The following CEP20 variants were observed in gnomAD, a reference collection of about 807,000 sequenced individuals.
CEP20 encodes the protein centrosomal protein 20.
Under a neutral mutation model 20.0 loss-of-function variants are expected in CEP20, and 18 were observed. The observed-to-expected ratio is 0.90, with a 90% CI of 0.62 to 1.34. CEP20 has a LOEUF of 1.34. Ranked by LOEUF, CEP20 falls within the 40% of genes most tolerant of loss-of-function variation. The probability of loss-of-function intolerance (pLI) is 0.00; values close to 1 mark genes in which losing one functional copy is unlikely to be tolerated. For synonymous variants in CEP20, 77 were observed against 73.7 expected (o/e 1.04, Z -0.23); for missense variants, 215 against 201.6 (o/e 1.07, Z -0.40).
intron 2 of CEP20, among the ~76,000 whole-genome samples, chr16:15,881,997 AC>A (rs1403017941): frequency 8.5e-5 from 13 of 152,144 alleles, no homozygotes; most frequent in African/African-American, 2.9e-4. Context: ...TGGAAGTGGG[AC>A]CTGGCGGGAG....
chr16:15,876,694 T>C (rs2044958413), intron 3 of CEP20, among the ~76,000 whole-genome samples: 1 of 152,300 alleles, frequency 6.6e-6, no homozygotes, highest in Non-Finnish European at 1.5e-5. Context: ...TGCAGATCTG[T>C]AAGTAAATAA....
At position 15,867,067 on chromosome 16, in the gene CEP20, G is replaced by A. The variant is rs1002478505; in HGVS notation, c.*373C>T. On this transcript the variant is annotated 3_prime_UTR_variant, in exon 5 of 5. Transcript: ENST00000255759. The stretch of plus-strand genomic sequence containing the variant: ...TACTAAAAATACAAAAACTACTCCG[G>A]TGTGGTGGCACAGGCCTGTTTTCCC... 5.7e-6 allele frequency: 1 copy of A among 174,438 alleles called. No homozygotes were observed. Among genetic ancestry groups the A allele is most frequent in the Admixed American group, 5.6e-5 (1 of 17,812 alleles). The allele number at this position is 174,438 out of a possible 1,614,324, so 10.8% of individuals were successfully genotyped here.
At chr16:15,888,035 G>T (rs1231627083) in intron 1 of CEP20, among the ~76,000 whole-genome samples, 1 of 150,080 alleles carries the variant, frequency 6.7e-6, no homozygotes, top group Non-Finnish European at 1.5e-5. Context: ...CTGTGATCGC[G>T]CTACTGCACT....
At chr16:15,886,572 T>A (rs932393710) in intron 1 of CEP20, among the ~76,000 whole-genome samples, 4 of 152,158 alleles carry the variant, frequency 2.6e-5, no homozygotes, top group African/African-American at 9.7e-5. Context: ...TTAGTGACAG[T>A]GGAATGAGGA....
rs190434705 is a variant in CEP20 at position 15,876,406 on chromosome 16, C to T, written c.312-2779G>A. ...AGGAGAATCGCTTGAACCTGGGAGG[C>T]GGCAGTTGCCGTGAGCCGAGATCAC... On this transcript the variant is annotated intron_variant, in intron 3 of 4. Coordinates refer to ENST00000255759, the MANE Select transcript of CEP20 (RefSeq NM_144600.4). Among the ~76,000 whole-genome samples, 759 of 151,208 alleles carry T rather than the reference C, an allele frequency of 5.0e-3. 6 individuals carry two copies. Among genetic ancestry groups the T allele is most frequent in the Non-Finnish European group, 7.5e-3 (507 of 67,866 alleles).
At chr16:15,883,720 G>A (rs1026278040) in intron 2 of CEP20, among the ~76,000 whole-genome samples, 3 of 151,950 alleles carry the variant, frequency 2.0e-5, no homozygotes, top group African/African-American at 7.2e-5. Context: ...TTAATACACA[G>A]GAAAAAACTG....
At chr16:15,878,472 T>G (rs1007133014) in intron 3 of CEP20, among the ~76,000 whole-genome samples, 5 of 150,498 alleles carry the variant, frequency 3.3e-5, no homozygotes, top group Non-Finnish European at 7.4e-5. Flanking sequence ...AAAACATTTA[T>G]ATAGTAAAGC....
chr16:15,888,334 C>T (rs917673322), intron 1 of CEP20, among the ~76,000 whole-genome samples: 2 of 152,164 alleles, frequency 1.3e-5, no homozygotes, highest in African/African-American at 4.8e-5. Flanking sequence ...CCTCCTTTAG[C>T]TCCAAACTGG....
intron 4 of CEP20, among the ~76,000 whole-genome samples, chr16:15,870,046 T>C (rs192914825): frequency 1.2e-4 from 18 of 152,292 alleles, no homozygotes; most frequent in Non-Finnish European, 7.3e-5. Context: ...GGTGTACAGG[T>C]CGTGTGTCTA....
At chr16:15,884,312 C>T in intron 1 of CEP20, 107 bp from the exon 2 acceptor site, 1 of 946,166 alleles carries the variant, frequency 1.1e-6, no homozygotes, top group Non-Finnish European at 1.6e-6. Context: ...AAACAGCTCT[C>T]AAGCAGCTCT....
chr16:15,878,523 G>A (rs2151426871), intron 3 of CEP20, among the ~76,000 whole-genome samples: 1 of 149,132 alleles, frequency 6.7e-6, no homozygotes, highest in East Asian at 2.0e-4. Context: ...TTGAGACAGG[G>A]TCTGATTCTG....
At chr16:15,871,469 TTAATG>T (rs2044818853) in intron 4 of CEP20, among the ~76,000 whole-genome samples, 1 of 152,128 alleles carries the variant, frequency 6.6e-6, no homozygotes, top group African/African-American at 2.4e-5. Context: ...ACTTGCACTA[TTAATG>T]TTTTATTTTG....
At chr16:15,875,626 A>G (rs977173606) in intron 3 of CEP20, among the ~76,000 whole-genome samples, 2 of 152,236 alleles carry the variant, frequency 1.3e-5, no homozygotes, top group Admixed American at 6.5e-5. Flanking sequence ...ATCTTTTAAA[A>G]TAAGTTTCAA....
intron 3 of CEP20, among the ~76,000 whole-genome samples, chr16:15,878,743 A>G (rs12595957): frequency 0.069 from 10,531 of 151,974 alleles, 483 homozygotes; most frequent in East Asian, 0.22. Flanking sequence ...CAGGTGATCC[A>G]CTTGCCTCAG....
At chr16:15,873,978 A>G (rs979959013) in intron 3 of CEP20, among the ~76,000 whole-genome samples, 3 of 152,222 alleles carry the variant, frequency 2.0e-5, no homozygotes, top group Non-Finnish European at 4.4e-5. Flanking sequence ...CACAACAGGT[A>G]TTCAATAAAC....
At chr16:15,883,662 C>T (rs947637742) in intron 2 of CEP20, among the ~76,000 whole-genome samples, 3 of 152,054 alleles carry the variant, frequency 2.0e-5, no homozygotes, top group African/African-American at 7.2e-5. Flanking sequence ...ACCTACCCAG[C>T]CTATTTTTTA....
intron 3 of CEP20, among the ~76,000 whole-genome samples, chr16:15,874,967 T>C (rs560677769): frequency 1.3e-5 from 2 of 152,320 alleles, no homozygotes; most frequent in East Asian, 3.9e-4. Flanking sequence ...AATATCATTA[T>C]GAGTTTGGAA....
intron 1 of CEP20, 123 bp downstream of exon 1, chr16:15,888,435 C>A: frequency 7.5e-7 from 1 of 1,326,848 alleles, no homozygotes; most frequent in Non-Finnish European, 1.1e-6. Context: ...CAGGCCCTCA[C>A]ACCGAAGAAT....
intron 4 of CEP20, among the ~76,000 whole-genome samples, chr16:15,869,217 C>T (rs991978311): frequency 6.6e-6 from 1 of 151,560 alleles, no homozygotes; most frequent in Non-Finnish European, 1.5e-5. Flanking sequence ...GGTGTGCCTA[C>T]ATAAACCCTC....
Sources: gnomAD v4.1 joint callset for allele counts (sites outside exome capture counted in the v4.1 genomes callset) on GRCh38, gnomAD v4.1.1 for gene constraint, MANE v1.5 for transcripts, NCBI Gene and HGNC (gene_info 2026-07-23, HGNC 2026-07-21) for gene names.